The following MYOM1 variants were observed in gnomAD, a reference collection of about 807,000 sequenced individuals.
MYOM1 encodes the protein myomesin-1.
In MYOM1, 164 loss-of-function variants were observed where a neutral mutation model predicts 205.3. The observed-to-expected ratio is 0.80, with a 90% CI of 0.70 to 0.91. The LOEUF (loss-of-function observed/expected upper bound fraction) is 0.91, where lower values mean the gene tolerates loss of function less well. MYOM1 is among the 40% of genes least tolerant of loss of function. The pLI is 0.00. For synonymous variants in MYOM1, 772 were observed against 789.4 expected, an observed-to-expected ratio of 0.98 and a Z score of 0.37; for missense variants, 2,011 against 2,127.3, an observed-to-expected ratio of 0.95 and a Z score of 1.08.
Position 3,072,062 on chromosome 18 carries a change from T to C in MYOM1, c.4709-173A>G, listed in dbSNP as rs564204339. ...TGATCCAGGGATTCAGGATTTTTTT[T>C]TTTTTTGAGACAGAGTCTCACTCTG... On this transcript the variant is annotated intron_variant, in intron 36 of 37. Coordinates refer to ENST00000356443, the MANE Select transcript of MYOM1 (RefSeq NM_003803.4). 4.3e-4 allele frequency among the ~76,000 whole-genome samples: 66 copies of C among 152,098 alleles called. 1 individual carries two copies. The South Asian group carries it at 8.9e-3, about 21-fold the overall frequency.
rs1955586730 is a variant in MYOM1, at chr18:3,189,152, C to G, written c.432-65G>C. On this transcript the variant is annotated intron_variant, in intron 3 of 37. Coordinates refer to ENST00000356443, the MANE Select transcript of MYOM1 (RefSeq NM_003803.4). The surrounding 1 kb of genome is among the most constrained non-coding windows in gnomAD (Gnocchi z 4.8). ...GCAGTGATAAGATTGAGTAATTTTA[C>G]TAAGTTCAAAGTACCACATCTCAGA... 3 of 1,478,932 alleles carry G rather than the reference C, an allele frequency of 2.0e-6. No individual in the cohort carries two copies. The highest frequency in any genetic ancestry group is 2.8e-6 in the Non-Finnish European group (3 of 1,087,570). The allele number at this position is 1,478,932 out of a possible 1,614,324, so 91.6% of individuals were successfully genotyped here.
chr18:3,083,985 T>A lies in MYOM1; in HGVS notation c.4378+4A>T. On this transcript the variant is annotated splice_donor_region_variant and intron_variant, in intron 32 of 37. Coordinates refer to ENST00000356443, the MANE Select transcript of MYOM1 (RefSeq NM_003803.4). Reference sequence around the variant, plus strand: ...ATTGTTGTGGTGCGAAATGTTTGACTCACCTATTTTTTTGCATACTTCCAT... The same window carrying A: ...ATTGTTGTGGTGCGAAATGTTTGACACACCTATTTTTTTGCATACTTCCAT... 1.3e-6 allele frequency: 2 copies of A among 1,589,278 alleles called. No individual in the cohort carries two copies. Among genetic ancestry groups the A allele is most frequent in the Non-Finnish European group, 1.7e-6 (2 of 1,166,338 alleles).
rs12604390 is a variant in MYOM1 at position 3,176,863 on chromosome 18, C to T, written c.930-729G>A. 8.3e-4 allele frequency among the ~76,000 whole-genome samples: 126 copies of T among 151,346 alleles called. 3 individuals are homozygous for T. In the East Asian group the frequency reaches 9.9e-3, roughly 12 times the overall value. ...TGCCACTGCACTCCAGCCTGGGCGA[C>T]GGAGTGAGACTCCATCTCGAAAAAA... On this transcript the variant is annotated intron_variant, in intron 5 of 37. Coordinates refer to ENST00000356443, the MANE Select transcript of MYOM1 (RefSeq NM_003803.4).
the MYOM1 span, among the ~76,000 whole-genome samples, chr18:3,242,211 G>A: frequency 7.9e-5 from 12 of 152,072 alleles, no homozygotes; most frequent in African/African-American, 1.2e-4. Flanking sequence ...GGAAGGATAC[G>A]GCTTGGCTCT....
intron 25 of MYOM1, among the ~76,000 whole-genome samples, chr18:3,097,656 C>T (rs1004649429): frequency 6.6e-6 from 1 of 152,168 alleles, no homozygotes; most frequent in Non-Finnish European, 1.5e-5. Flanking sequence ...ATCCTCCCGC[C>T]TTGGCTTTCC....
chr18:3,244,695 A>G, the MYOM1 span, among the ~76,000 whole-genome samples: 3 of 151,666 alleles, frequency 2.0e-5, no homozygotes, highest in Admixed American at 1.3e-4. Context: ...GTTGGCAACC[A>G]GCCTGGCCAA....
chr18:3,122,916 T>G (rs2079718371), intron 19 of MYOM1, among the ~76,000 whole-genome samples: 1 of 152,216 alleles, frequency 6.6e-6, no homozygotes, highest in African/African-American at 2.4e-5. Context: ...CACAATACAG[T>G]ATTTAATGGT....
intron 22 of MYOM1, among the ~76,000 whole-genome samples, chr18:3,109,796 T>C (rs2079500129): frequency 6.6e-6 from 1 of 152,204 alleles, no homozygotes; most frequent in South Asian, 2.1e-4. Context: ...TTTTCTTTCC[T>C]ATTCTTTTCT....
At chr18:3,122,855 GAAGGA>G (rs931679953) in intron 19 of MYOM1, among the ~76,000 whole-genome samples, 1 of 152,212 alleles carries the variant, frequency 6.6e-6, no homozygotes, top group African/African-American at 2.4e-5. Flanking sequence ...ACGGGGAATA[GAAGGA>G]AACTTCCTTT....
At chr18:3,174,021 G>A (rs944697620) in intron 7 of MYOM1, 21 bp from the exon 8 acceptor site, 22 of 1,609,816 alleles carry the variant, frequency 1.4e-5, no homozygotes, top group Admixed American at 3.3e-5. Flanking sequence ...AAACAGAAAC[G>A]CATGTGAACT....
chr18:3,085,000 T>C, intron 31 of MYOM1, 45 bp downstream of exon 31: 1 of 1,406,072 alleles, frequency 7.1e-7, no homozygotes, highest in South Asian at 1.2e-5. Flanking sequence ...TGGTAAGCTG[T>C]ATGCAGAAAC....
rs760435963 is a variant in MYOM1, at chr18:3,215,207, T to C, written c.17A>G (p.Tyr6Cys). 3 of 1,611,352 alleles carry C rather than the reference T, an allele frequency of 1.9e-6. No homozygotes were observed. The highest frequency in any genetic ancestry group is 1.1e-5 in the South Asian group (1 of 90,490). The change falls in exon 2 of 38, where the codon TAT (tyrosine) becomes TGT (cysteine). Residue 6 changes from tyrosine (Y) to cysteine (C), a missense_variant. Physicochemically the swap from Tyr to Cys is radical, Grantham distance 194. Transcript: ENST00000356443. ...ATCATAGTGCTGGTGGCACCTCTGA[T>C]AAAAAGGCAAAGACATCCTGTGCCC... MSLPF[Y>C]QRCHQHYDLS...
At chr18:3,146,366 A>T (rs962489510) in intron 13 of MYOM1, among the ~76,000 whole-genome samples, 6 of 152,028 alleles carry the variant, frequency 3.9e-5, no homozygotes, top group South Asian at 2.1e-4. Flanking sequence ...TAGCAAATAA[A>T]CTCCAGCAAT....
chr18:3,072,619 G>GTAAC (rs2143628076), intron 36 of MYOM1, among the ~76,000 whole-genome samples: 1 of 152,064 alleles, frequency 6.6e-6, no homozygotes, highest in Admixed American at 6.5e-5. Flanking sequence ...CTCCCAAATT[G>GTAAC]CTGGGATTAC....
intron 21 of MYOM1, among the ~76,000 whole-genome samples, chr18:3,115,925 G>A (rs1479334937): frequency 6.6e-6 from 1 of 152,132 alleles, no homozygotes; most frequent in Non-Finnish European, 1.5e-5. Flanking sequence ...GTAGTCACAG[G>A]CTTCCTGGTG....
chr18:3,140,717 G>T (rs2080035844), intron 14 of MYOM1, among the ~76,000 whole-genome samples: 2 of 152,076 alleles, frequency 1.3e-5, no homozygotes, highest in African/African-American at 4.8e-5. Flanking sequence ...GACCTAATAG[G>T]TGTTACAAAA....
chr18:3,188,606 G>T, intron 4 of MYOM1, 142 bp downstream of exon 4: 1 of 938,738 alleles, frequency 1.1e-6, no homozygotes, highest in Non-Finnish European at 1.5e-6. Flanking sequence ...TCCAACCTGG[G>T]GGACAGAGTG....
rs370219060 is a variant in MYOM1 at position 3,187,620 on chromosome 18, T to G, written c.789A>C (p.Thr263=). Residue 263 remains threonine, a synonymous_variant, in exon 5 of 38, where the codon ACA becomes ACC. Coordinates refer to ENST00000356443, the MANE Select transcript of MYOM1 (RefSeq NM_003803.4). ...GGTCTTCATTCAGCTTGGCATGATA[T>G]GTCTCGGTTTCTTCTAACTGAAAAA... ...SLRKTLEETE[T]YHAKLNEDHL... is the part of the protein sequence containing the mutation. 3 of 1,604,300 alleles carry G rather than the reference T, an allele frequency of 1.9e-6. No homozygotes were observed. The highest frequency in any genetic ancestry group is 1.7e-6 in the Non-Finnish European group (2 of 1,172,770).
chr18:3,170,390 A>G (rs2080539923), intron 8 of MYOM1, among the ~76,000 whole-genome samples: 1 of 152,206 alleles, frequency 6.6e-6, no homozygotes, highest in Non-Finnish European at 1.5e-5. Flanking sequence ...GTACCCCATC[A>G]ATATGTACAA....
Sources: allele counts gnomAD v4.1 joint callset (sites outside exome capture counted in the v4.1 genomes callset), GRCh38; gene constraint gnomAD v4.1.1; non-coding constraint Gnocchi (gnomAD v3.1); transcripts MANE v1.5; gene names NCBI Gene and HGNC (gene_info 2026-07-23, HGNC 2026-07-21).